The following KLHL3 variants were observed in gnomAD, a reference collection of about 807,000 sequenced individuals.
KLHL3 encodes the protein kelch-like protein 3.
Under a neutral mutation model 70.5 loss-of-function variants are expected in KLHL3, and 19 were observed. The ratio of observed to expected loss-of-function variants is 0.27; its 90% CI spans 0.19 to 0.40. KLHL3 has a LOEUF of 0.40. KLHL3 is among the 10% of genes least tolerant of loss of function. KLHL3 has a pLI of 1.00. For synonymous variants in KLHL3, 258 were observed against 290.3 expected (o/e 0.89, Z 1.13); for missense variants, 512 against 771.1 (o/e 0.66, Z 3.98).
intron 8 of KLHL3, among the ~76,000 whole-genome samples, chr5:137,642,813 C>T (rs1368453119): frequency 2.0e-5 from 3 of 151,750 alleles, no homozygotes; most frequent in African/African-American, 7.3e-5. Context: ...GACTCAACCA[C>T]CAAAAGAAAG....
At chr5:137,672,657 A>G (rs778084351) in intron 6 of KLHL3, 1 of 152,226 alleles carries the variant, frequency 6.6e-6, no homozygotes. Context: ...AGATGGAGAC[A>G]TATATTTACC....
At chr5:137,640,066 G>A in intron 8 of KLHL3, 89 bp from the exon 9 acceptor site, 1 of 1,087,292 alleles carries the variant, frequency 9.2e-7, no homozygotes, top group Non-Finnish European at 1.4e-6. Flanking sequence ...TATCGCCCAG[G>A]GTGTGTGGAT....
chr5:137,685,235 T>A (rs893044827), intron 5 of KLHL3, among the ~76,000 whole-genome samples: 1 of 152,146 alleles, frequency 6.6e-6, no homozygotes, highest in Non-Finnish European at 1.5e-5. Flanking sequence ...TACTCCAAAA[T>A]ATTATGTACA....
rs375739460 is a variant in KLHL3, at chr5:137,692,315, C to T, written c.496G>A (p.Asp166Asn). ...TAGGCATTGGCCTGCTGCAGAAGGT[C>T]AGTGCAGGTGTGTACATCTGCAAAT... ...RAFADVHTCTDLLQQANAYAE... is the reference protein window; with the variant it reads ...RAFADVHTCTNLLQQANAYAE... The change falls in exon 5 of 15, where the codon GAC (aspartate) becomes AAC (asparagine). Residue 166 changes from aspartate (D) to asparagine (N), a missense_variant. Coordinates refer to ENST00000309755, the MANE Select transcript of KLHL3 (RefSeq NM_017415.3). 32 of 1,613,030 alleles carry T rather than the reference C, an allele frequency of 2.0e-5. No homozygotes were observed. The highest frequency in any genetic ancestry group is 2.6e-5 in the Non-Finnish European group (31 of 1,179,930).
chr5:137,658,413 G>T (rs1218574844), intron 7 of KLHL3, 133 bp from the exon 8 acceptor site: 2 of 855,432 alleles, frequency 2.3e-6, no homozygotes, highest in Non-Finnish European at 3.8e-6. Flanking sequence ...GACCCAAAGA[G>T]TTACAACTTA....
intron 5 of KLHL3, among the ~76,000 whole-genome samples, chr5:137,688,906 A>G (rs1465707844): frequency 6.6e-6 from 1 of 152,222 alleles, no homozygotes; most frequent in Non-Finnish European, 1.5e-5. Flanking sequence ...GACAGAACTC[A>G]ATCACTATAA....
At chr5:137,634,433 G>T (rs1019507297) in intron 11 of KLHL3, among the ~76,000 whole-genome samples, 6 of 152,174 alleles carry the variant, frequency 3.9e-5, no homozygotes, top group Admixed American at 2.6e-4. Flanking sequence ...CCAGCACAAA[G>T]CTATGGCCTG....
chr5:137,672,805 C>T (rs1751793699), intron 6 of KLHL3: 1 of 152,224 alleles, frequency 6.6e-6, no homozygotes, highest in African/African-American at 2.4e-5. Flanking sequence ...GTTTATTCTG[C>T]CCCTGGGTCA....
chr5:137,700,233 C>T (rs1392555531), intron 3 of KLHL3, among the ~76,000 whole-genome samples: 2 of 152,228 alleles, frequency 1.3e-5, no homozygotes, highest in Non-Finnish European at 2.9e-5. Context: ...AACATGCATA[C>T]ACAAGGAAAT....
rs1182288779 is a variant in KLHL3 at position 137,637,478 on chromosome 5, T to A, written c.1220-83A>T. 4 of 1,198,654 alleles carry A rather than the reference T, an allele frequency of 3.3e-6. No individual in the cohort carries two copies. In the African/African-American group the frequency reaches 4.5e-5, roughly 14 times the overall value. The allele number at this position is 1,198,654 out of a possible 1,614,324, so 74.3% of individuals were successfully genotyped here. ...AGAAGCAGTGAGGATGGGGGAGGAG[T>A]CCAAATGCATGGGCTGGAAACCTAA... On this transcript the variant is annotated intron_variant, in intron 10 of 14. Transcript: ENST00000309755.
At chr5:137,633,146 G>C (rs1263937647) in intron 12 of KLHL3, among the ~76,000 whole-genome samples, 1 of 151,924 alleles carries the variant, frequency 6.6e-6, no homozygotes, top group African/African-American at 2.4e-5. Context: ...CGGGCATGGT[G>C]GTGGGTGCCT....
intron 3 of KLHL3, among the ~76,000 whole-genome samples, chr5:137,708,139 A>G (rs1752720672): frequency 6.6e-6 from 1 of 152,222 alleles, no homozygotes; most frequent in Non-Finnish European, 1.5e-5. Flanking sequence ...TTTCTGGGCT[A>G]CAGTGTGAAA....
Position 137,720,490 on chromosome 5 carries a change from A to C in KLHL3, c.109T>G (p.Phe37Val). The C allele has an allele frequency of 6.2e-7, 1 of 1,614,150 alleles. No homozygotes were observed. Residue 37 changes from phenylalanine to valine, a missense_variant, in exon 2 of 15, where the codon TTC becomes GTC. Coordinates refer to ENST00000309755, the MANE Select transcript of KLHL3 (RefSeq NM_017415.3). Reference protein sequence around the residue: ...TVNPAHMGKAFKVMNELRSKQ... With the variant: ...TVNPAHMGKAVKVMNELRSKQ... ...CTCCGCAGTTCATTCATAACCTTGA[A>C]TGCTTTCCCCATGTGGGCAGGGTTG...
At chr5:137,696,434 G>A (rs944526157) in intron 4 of KLHL3, among the ~76,000 whole-genome samples, 3 of 152,190 alleles carry the variant, frequency 2.0e-5, no homozygotes, top group African/African-American at 7.2e-5. Context: ...ATGCAACTGA[G>A]GACAAATTAC....
chr5:137,696,412 C>T (rs1342498380), intron 4 of KLHL3, among the ~76,000 whole-genome samples: 1 of 152,226 alleles, frequency 6.6e-6, no homozygotes. Flanking sequence ...TTGACTCCTC[C>T]ACTTACCAGC....
intron 6 of KLHL3, among the ~76,000 whole-genome samples, chr5:137,663,598 T>C (rs1350647046): frequency 1.3e-5 from 2 of 151,982 alleles, no homozygotes; most frequent in Non-Finnish European, 2.9e-5. Context: ...ATACATCACT[T>C]CATGCAAGTG....
In KLHL3 at chr5:137,721,594, CTGAG is replaced by C. The variant is rs1358988108; in HGVS notation, c.15-1014_15-1011del. 3.9e-5 allele frequency among the ~76,000 whole-genome samples: 6 copies of C among 152,216 alleles called. 1 individual carries two copies. Among genetic ancestry groups the C allele is most frequent in the Non-Finnish European group, 8.8e-5 (6 of 68,040 alleles). Reference sequence around the variant, plus strand: ...AAGAAAGGCTATCTATGTAGACTAACTGAGTAAGTAGAAACTAGCAAGAGTCAAC... The same window carrying C: ...AAGAAAGGCTATCTATGTAGACTAACTAAGTAGAAACTAGCAAGAGTCAAC... On this transcript the variant is annotated intron_variant, in intron 1 of 14. Transcript: ENST00000309755.
chr5:137,715,833 G>C (rs1199075431), intron 2 of KLHL3, among the ~76,000 whole-genome samples: 1 of 152,178 alleles, frequency 6.6e-6, no homozygotes, highest in African/African-American at 2.4e-5. Context: ...TAATATATGT[G>C]TTGTCACTGT....
chr5:137,628,567 A>G (rs1426442596), intron 12 of KLHL3, 130 bp from the exon 13 acceptor site: 1 of 913,334 alleles, frequency 1.1e-6, no homozygotes, highest in African/African-American at 1.7e-5. Flanking sequence ...GTCTCCCTGG[A>G]CCTCAGTGTC....
Sources: allele counts gnomAD v4.1 joint callset (sites outside exome capture counted in the v4.1 genomes callset), GRCh38; gene constraint gnomAD v4.1.1; transcripts MANE v1.5; gene names NCBI Gene and HGNC (gene_info 2026-07-23, HGNC 2026-07-21).